Variants in PON3 observed in about 807,000 individuals in gnomAD.
The protein encoded by PON3 is paraoxonase 3.
In PON3, 37 loss-of-function variants were observed where a neutral mutation model predicts 36.3. The ratio of observed to expected loss-of-function variants is 1.02; its 90% CI spans 0.78 to 1.34. The LOEUF (loss-of-function observed/expected upper bound fraction) is 1.34. Ranked by LOEUF, PON3 falls within the 40% of genes most tolerant of loss-of-function variation. The probability of loss-of-function intolerance (pLI) is 0.00; values close to 1 mark genes in which losing one functional copy is unlikely to be tolerated. For missense variants in PON3, 415 were observed against 426.5 expected, an observed-to-expected ratio of 0.97 and a Z score of 0.24; for synonymous variants, 155 against 154.8, an observed-to-expected ratio of 1.00 and a Z score of -0.01.
At chr7:95,392,701 A>G (rs1809344483) in intron 2 of PON3, among the ~76,000 whole-genome samples, 1 of 152,214 alleles carries the variant, frequency 6.6e-6, no homozygotes, top group Admixed American at 6.5e-5. Context: ...TGTTTTGGAA[A>G]GGCCATCTGG....
chr7:95,362,293 T>C lies in PON3; in HGVS notation c.906+69A>G, dbSNP rs1808586998. On this transcript the variant is annotated intron_variant, in intron 8 of 8. Transcript: ENST00000265627. The stretch of plus-strand genomic sequence containing the variant: ...CACCAAATGTGACTGGCTTAAATTC[T>C]TCCAAGTCACCCCAACAAATTTGTT... 1.3e-5 allele frequency: 21 copies of C among 1,591,194 alleles called. No individual in the cohort carries two copies. In the South Asian group the frequency reaches 2.0e-4, roughly 15 times the overall value.
chr7:95,374,210 G>C (rs771821173), intron 3 of PON3, among the ~76,000 whole-genome samples: 4 of 152,120 alleles, frequency 2.6e-5, no homozygotes, highest in Non-Finnish European at 5.9e-5. Flanking sequence ...ATGAGTGGAT[G>C]ACTTTACTTA....
intron 3 of PON3, 101 bp from the exon 4 acceptor site, chr7:95,372,439 C>T: frequency 7.5e-7 from 1 of 1,341,248 alleles, no homozygotes; most frequent in Non-Finnish European, 1.0e-6. Flanking sequence ...GTTCAAAGTT[C>T]TAAATTTCAT....
At chr7:95,388,152 T>A (rs1175390445) in intron 3 of PON3, among the ~76,000 whole-genome samples, 1 of 151,924 alleles carries the variant, frequency 6.6e-6, no homozygotes, top group Non-Finnish European at 1.5e-5. Flanking sequence ...AGTGAAGAGG[T>A]AGCCTATGGA....
At chr7:95,393,999 T>TAGCTGG (rs1809375876) in intron 2 of PON3, among the ~76,000 whole-genome samples, 1 of 152,024 alleles carries the variant, frequency 6.6e-6, no homozygotes, top group Non-Finnish European at 1.5e-5. Flanking sequence ...CTGGTTCAAG[T>TAGCTGG]GATTCTCCTG....
chr7:95,384,941 T>C (rs1809153992), intron 3 of PON3, among the ~76,000 whole-genome samples: 1 of 152,166 alleles, frequency 6.6e-6, no homozygotes, highest in Admixed American at 6.5e-5. Context: ...TAGCAAAGAC[T>C]TGGAACCAAC....
intron 4 of PON3, among the ~76,000 whole-genome samples, chr7:95,369,637 A>G (rs987865412): frequency 5.3e-5 from 8 of 152,052 alleles, no homozygotes; most frequent in Non-Finnish European, 1.0e-4. Context: ...TTAGCCGGGC[A>G]TGGTGGCGCA....
intron 4 of PON3, 73 bp downstream of exon 4, chr7:95,372,100 A>C: frequency 6.6e-7 from 1 of 1,504,456 alleles, no homozygotes; most frequent in East Asian, 2.3e-5. Flanking sequence ...TGTTACATAA[A>C]TATTGAGGGG....
At chr7:95,364,641 C>T (rs950056676) in intron 5 of PON3, 5 of 165,770 alleles carry the variant, frequency 3.0e-5, no homozygotes, top group African/African-American at 1.2e-4. Flanking sequence ...GAAACTGAGT[C>T]CCTAAATCAC....
intron 8 of PON3, 26 bp from the exon 9 acceptor site, chr7:95,360,157 T>C (rs1333858751): frequency 6.3e-7 from 1 of 1,598,866 alleles, no homozygotes; most frequent in African/African-American, 1.3e-5. Context: ...CGTTTATTAG[T>C]ATATTATGTG....
intron 3 of PON3, among the ~76,000 whole-genome samples, chr7:95,386,720 C>T (rs62469564): frequency 0.013 from 2,018 of 152,060 alleles, 29 homozygotes; most frequent in Non-Finnish European, 0.021. Context: ...AACATTGATG[C>T]GAAAATCCTC....
intron 3 of PON3, among the ~76,000 whole-genome samples, chr7:95,389,085 A>T (rs529986974): frequency 6.6e-6 from 1 of 152,334 alleles, no homozygotes; most frequent in East Asian, 1.9e-4. Flanking sequence ...ACTTAAAAGT[A>T]TAATAAAAAA....
In PON3 at chr7:95,380,510, A is replaced by G. The variant is rs539494357; in HGVS notation, c.202-8172T>C. On this transcript the variant is annotated intron_variant, in intron 3 of 8. Coordinates refer to ENST00000265627, the MANE Select transcript of PON3 (RefSeq NM_000940.3). ...ACCAATGCAGAGAAGTCCTTAAAGG[A>G]CCTGATGGAGCTGAAAACCATGGCA... 2.0e-5 allele frequency among the ~76,000 whole-genome samples: 3 copies of G among 152,324 alleles called. No homozygotes were observed. The South Asian group carries it at 6.2e-4, about 32-fold the overall frequency.
At chr7:95,363,703 T>G (rs920331552) in intron 6 of PON3, 160 bp downstream of exon 6, 1 of 738,196 alleles carries the variant, frequency 1.4e-6, no homozygotes, top group African/African-American at 1.7e-5. Flanking sequence ...ACAAATGGAT[T>G]GCTTAGGATG....
intron 3 of PON3, among the ~76,000 whole-genome samples, chr7:95,382,612 A>T (rs1032846890): frequency 6.6e-6 from 1 of 152,256 alleles, no homozygotes; most frequent in Non-Finnish European, 1.5e-5. Context: ...GAAGAAATGG[A>T]TAAATTCCTC....
At chr7:95,379,179 A>C (rs151228838) in intron 3 of PON3, among the ~76,000 whole-genome samples, 1 of 152,382 alleles carries the variant, frequency 6.6e-6, no homozygotes, top group East Asian at 1.9e-4. Context: ...ATAATGGTAA[A>C]GGGAACAATT....
intron 2 of PON3, among the ~76,000 whole-genome samples, chr7:95,392,752 A>T (rs1215421263): frequency 1.3e-5 from 2 of 152,202 alleles, no homozygotes; most frequent in African/African-American, 4.8e-5. Flanking sequence ...ATTCATTGCC[A>T]AAGTTACTGG....
rs1808601561 is a variant in PON3 at position 95,362,770 on chromosome 7, G to A, written c.767C>T (p.Thr256Ile). The change falls in exon 7 of 9, where the codon ACT (threonine) becomes ATT (isoleucine). Residue 256 changes from threonine (T) to isoleucine (I), a missense_variant. Thr to Ile is a moderately conservative substitution (Grantham distance 89, BLOSUM62 -1). Transcript: ENST00000265627. The stretch of plus-strand genomic sequence containing the variant: ...ACAGGGTACTCTTACCTTCAGTTGA[G>A]TTAAATCCCAGTTATCATGTTTTTC... ...IMEKHDNWDL[T>I]QLKVIQLGTL... The A allele has an allele frequency of 1.2e-6, 2 of 1,607,956 alleles. No individual in the cohort carries two copies. Among genetic ancestry groups the A allele is most frequent in the Non-Finnish European group, 1.7e-6 (2 of 1,174,658 alleles).
intron 3 of PON3, among the ~76,000 whole-genome samples, chr7:95,379,631 T>A (rs1027107591): frequency 6.6e-6 from 1 of 152,176 alleles, no homozygotes. Context: ...GAGATCGAAC[T>A]GCAAGGGAGC....
Sources: gnomAD v4.1 joint callset for allele counts (sites outside exome capture counted in the v4.1 genomes callset) on GRCh38, gnomAD v4.1.1 for gene constraint, MANE v1.5 for transcripts, NCBI Gene and HGNC (gene_info 2026-07-23, HGNC 2026-07-21) for gene names.